DPP6: variants seen among roughly 807,000 people sequenced by gnomAD.
DPP6 encodes A-type potassium channel modulatory protein DPP6.
Under a neutral mutation model 122.6 loss-of-function variants are expected in DPP6, and 69 were observed. That is an observed-to-expected ratio of 0.56 (90% CI 0.46 to 0.69). DPP6 has a LOEUF of 0.69. Among genes scored for constraint, DPP6 ranks in the 30% least tolerant of loss-of-function variants. The pLI is 0.00. For synonymous variants in DPP6, 418 were observed against 433.1 expected (o/e 0.97, Z 0.43); for missense variants, 928 against 1,116.9 (o/e 0.83, Z 2.41).
In DPP6 at chr7:154,606,638, C is replaced by G. The variant is rs568068025; in HGVS notation, c.628-31183C>G. On this transcript the variant is annotated intron_variant, in intron 5 of 25. Transcript: ENST00000377770. ...AGTTGAATAACAGGTTTGAACTGTG[C>G]AAGTCCACTGATAAGTGAATTTTTT... is the stretch of plus-strand genomic sequence containing the variant. 3.3e-4 allele frequency among the ~76,000 whole-genome samples: 40 copies of G among 120,878 alleles called. 9 individuals are homozygous for G. Among genetic ancestry groups the G allele is most frequent in the African/African-American group, 9.2e-4 (35 of 38,002 alleles). 79.3% of individuals were successfully genotyped at this position (120,878 alleles called of 152,430 possible).
At position 154,876,323 on chromosome 7, in the gene DPP6, T is replaced by C. The variant is rs983103241; in HGVS notation, c.2078+223T>C. ...ACTAGTTTTCCCACTGCAGGGTAGA[T>C]TGTTGAGTTGACTAAAACAAGGGGA... On this transcript the variant is annotated intron_variant, in intron 20 of 25. Transcript: ENST00000377770. 4 of 792,500 alleles carry C rather than the reference T, an allele frequency of 5.0e-6. No individual in the cohort carries two copies. The African/African-American group carries it at 7.2e-5, about 14-fold the overall frequency. The allele number at this position is 792,500 out of a possible 1,614,324, so 49.1% of individuals were successfully genotyped here.
chr7:154,831,041 C>T (rs558140808), intron 16 of DPP6, among the ~76,000 whole-genome samples: 11 of 152,166 alleles, frequency 7.2e-5, no homozygotes, highest in Admixed American at 2.0e-4. Flanking sequence ...CCCAGGTGAC[C>T]GTGTCATCCC....
At chr7:153,806,081 G>A in the DPP6 span, among the ~76,000 whole-genome samples, 1 of 151,846 alleles carries the variant, frequency 6.6e-6, no homozygotes, top group Admixed American at 6.6e-5. Context: ...CTGACGTCAG[G>A]AAGAATGAAG....
intron 17 of DPP6, among the ~76,000 whole-genome samples, chr7:154,866,625 C>T (rs1434338995): frequency 2.0e-5 from 3 of 152,200 alleles, no homozygotes; most frequent in South Asian, 2.1e-4. Context: ...ACACGTTTCT[C>T]GCATGCTACG....
chr7:154,259,794 CTGTTG>C, intron 1 of DPP6, among the ~76,000 whole-genome samples: 1 of 152,196 alleles, frequency 6.6e-6, no homozygotes, highest in Non-Finnish European at 1.5e-5. Flanking sequence ...TATTGAGTTT[CTGTTG>C]TATGCCAAAC....
At chr7:153,827,322 A>T in the DPP6 span, among the ~76,000 whole-genome samples, 1 of 152,168 alleles carries the variant, frequency 6.6e-6, no homozygotes, top group Non-Finnish European at 1.5e-5. Context: ...TTTATGTCAT[A>T]TGTTGTACTT....
At chr7:154,585,505 G>A (rs763367673) in intron 5 of DPP6, among the ~76,000 whole-genome samples, 3 of 152,142 alleles carry the variant, frequency 2.0e-5, no homozygotes, top group South Asian at 4.1e-4. Flanking sequence ...TGAGCACTGC[G>A]GTTGTCCCTC....
intron 4 of DPP6, among the ~76,000 whole-genome samples, chr7:154,551,944 G>T (rs1001703753): frequency 3.3e-5 from 5 of 152,154 alleles, no homozygotes; most frequent in Non-Finnish European, 5.9e-5. Flanking sequence ...TTTTATGGAA[G>T]CTTCTAGGTG....
the DPP6 span, among the ~76,000 whole-genome samples, chr7:153,792,933 T>C: frequency 6.6e-6 from 1 of 152,202 alleles, no homozygotes; most frequent in African/African-American, 2.4e-5. Flanking sequence ...TTCCTCATTT[T>C]CTCTTGCCAC....
intron 3 of DPP6, among the ~76,000 whole-genome samples, chr7:154,523,891 C>T (rs936852160): frequency 2.6e-5 from 4 of 152,136 alleles, no homozygotes; most frequent in Admixed American, 6.5e-5. Flanking sequence ...TTGAGAATGG[C>T]GTATTTTCTG....
upstream of DPP6, among the ~76,000 whole-genome samples, chr7:153,884,001 ATTTTTAT>A (rs959687901): frequency 1.2e-4 from 19 of 152,176 alleles, no homozygotes; most frequent in Middle Eastern, 3.4e-3. Context: ...TTTTGGGGGA[ATTTTTAT>A]TTTTTATTTT....
chr7:154,383,099 T>C (rs1374424040), intron 1 of DPP6, among the ~76,000 whole-genome samples: 1 of 152,178 alleles, frequency 6.6e-6, no homozygotes, highest in East Asian at 1.9e-4. Context: ...AGATTCAGTA[T>C]ATCAAAATGA....
intron 7 of DPP6, among the ~76,000 whole-genome samples, chr7:154,688,314 G>A (rs1019980785): frequency 6.6e-6 from 1 of 152,118 alleles, no homozygotes; most frequent in Non-Finnish European, 1.5e-5. Context: ...TCAATATGTG[G>A]TATAGTTCCC....
chr7:154,573,620 G>C (rs1831270158), intron 5 of DPP6, among the ~76,000 whole-genome samples: 1 of 152,144 alleles, frequency 6.6e-6, no homozygotes, highest in South Asian at 2.1e-4. Context: ...TGTTTTGTCA[G>C]CATCTTGCCT....
chr7:154,355,607 A>G (rs1811210315), intron 1 of DPP6, among the ~76,000 whole-genome samples: 1 of 152,206 alleles, frequency 6.6e-6, no homozygotes. Context: ...ACAGCCCCAT[A>G]CAGTGAAGAC....
At chr7:153,946,956 G>T (rs1801975620) in intron 1 of DPP6, among the ~76,000 whole-genome samples, 1 of 152,102 alleles carries the variant, frequency 6.6e-6, no homozygotes, top group Non-Finnish European at 1.5e-5. Context: ...AGCGGATCTA[G>T]AGCCCAAGGT....
intron 1 of DPP6, among the ~76,000 whole-genome samples, chr7:154,153,260 A>G (rs1796513644): frequency 6.6e-6 from 1 of 152,142 alleles, no homozygotes; most frequent in African/African-American, 2.4e-5. Flanking sequence ...ATCTCGGCTC[A>G]CTGCAACCTC....
chr7:154,659,963 C>A (rs182239936), intron 6 of DPP6, among the ~76,000 whole-genome samples: 1 of 152,178 alleles, frequency 6.6e-6, no homozygotes, highest in Non-Finnish European at 1.5e-5. Context: ...GAAAATAAGA[C>A]GCAGAGAGTT....
chr7:153,810,671 C>CCCCTCTCT, the DPP6 span, among the ~76,000 whole-genome samples: 18 of 124,722 alleles, frequency 1.4e-4, no homozygotes, highest in African/African-American at 5.6e-4. Context: ...CTCTCTCTCT[C>CCCCTCTCT]CTCTCTCTCT....
Sources: gnomAD v4.1 joint callset for allele counts (sites outside exome capture counted in the v4.1 genomes callset) on GRCh38, gnomAD v4.1.1 for gene constraint, MANE v1.5 for transcripts, NCBI Gene and HGNC (gene_info 2026-07-23, HGNC 2026-07-21) for gene names.